The following CRB1 variants were observed in gnomAD, a reference collection of about 807,000 sequenced individuals.
CRB1 encodes protein crumbs homolog 1.
In CRB1, 83 loss-of-function variants were observed where a neutral mutation model predicts 120.0. The ratio of observed to expected loss-of-function variants is 0.69; its 90% CI spans 0.58 to 0.83. The LOEUF (loss-of-function observed/expected upper bound fraction) is 0.83. Ranked by LOEUF, CRB1 falls within the 40% of genes least tolerant of loss-of-function variation. The probability of loss-of-function intolerance (pLI) is 0.00; values close to 1 mark genes in which losing one functional copy is unlikely to be tolerated. For synonymous variants in CRB1, 625 were observed against 612.5 expected (o/e 1.02, Z -0.30); for missense variants, 1,699 against 1,687.6 (o/e 1.01, Z -0.12).
At chr1:197,453,200 T>A (rs1666051781) in intron 11 of CRB1, among the ~76,000 whole-genome samples, 1 of 150,530 alleles carries the variant, frequency 6.6e-6, no homozygotes, top group South Asian at 2.1e-4. Context: ...GGTAGAATTA[T>A]GAGTGCTAGG....
chr1:197,202,794 C>G, the CRB1 span, among the ~76,000 whole-genome samples: 1 of 152,110 alleles, frequency 6.6e-6, no homozygotes, highest in East Asian at 1.9e-4. Context: ...GCCAGTTTTA[C>G]CCAACTCTTC....
intron 5 of CRB1, among the ~76,000 whole-genome samples, chr1:197,400,714 C>T (rs1374324146): frequency 1.3e-5 from 2 of 152,094 alleles, no homozygotes; most frequent in East Asian, 3.9e-4. Flanking sequence ...TAAGGTTTCT[C>T]ACTCAGATAC....
At chr1:197,467,037 A>T (rs974287498) in intron 11 of CRB1, among the ~76,000 whole-genome samples, 1 of 152,168 alleles carries the variant, frequency 6.6e-6, no homozygotes, top group Non-Finnish European at 1.5e-5. Context: ...TGAGAGCAAG[A>T]TTTATTGTGC....
chr1:197,399,582 G>A lies in CRB1; in HGVS notation c.1172-21418G>A, dbSNP rs180848099. ...TGTCATGTATTAGTAAACTACTGCCGCATAACAAATTTTCCCAAAACTCTG... is the reference window on the plus strand; with the variant it reads ...TGTCATGTATTAGTAAACTACTGCCACATAACAAATTTTCCCAAAACTCTG... On this transcript the variant is annotated intron_variant, in intron 5 of 11. Coordinates refer to ENST00000367400, the MANE Select transcript of CRB1 (RefSeq NM_201253.3). 1.7e-4 allele frequency among the ~76,000 whole-genome samples: 26 copies of A among 152,148 alleles called. No individual in the cohort carries two copies. In the East Asian group the frequency reaches 2.5e-3, roughly 15 times the overall value.
At chr1:197,453,507 T>C (rs1225257200) in intron 11 of CRB1, among the ~76,000 whole-genome samples, 2 of 135,016 alleles carry the variant, frequency 1.5e-5, no homozygotes, top group Non-Finnish European at 3.1e-5. Context: ...TATATGTGTA[T>C]ATATATGTGT....
intron 6 of CRB1, 132 bp downstream of exon 6, chr1:197,422,088 C>T: frequency 2.5e-6 from 2 of 794,540 alleles, no homozygotes; most frequent in African/African-American, 1.7e-5. Flanking sequence ...GCTGGTTGCC[C>T]ACTGATGAGA....
intron 5 of CRB1, among the ~76,000 whole-genome samples, chr1:197,398,070 C>T (rs1052599388): frequency 5.3e-5 from 8 of 152,172 alleles, no homozygotes; most frequent in African/African-American, 1.9e-4. Flanking sequence ...CACCACTGCA[C>T]AAAAAACTCA....
At chr1:197,471,992 G>A (rs1297208442) in intron 11 of CRB1, among the ~76,000 whole-genome samples, 2 of 152,172 alleles carry the variant, frequency 1.3e-5, no homozygotes, top group African/African-American at 4.8e-5. Flanking sequence ...TATATATGTA[G>A]ATGGAAGATA....
chr1:197,310,785 T>C (rs1657470245), intron 1 of CRB1, among the ~76,000 whole-genome samples: 1 of 152,154 alleles, frequency 6.6e-6, no homozygotes, highest in South Asian at 2.1e-4. Context: ...TTAATAGAAA[T>C]TAAAATTACA....
intron 5 of CRB1, among the ~76,000 whole-genome samples, chr1:197,364,511 A>C (rs983226262): frequency 9.9e-5 from 15 of 152,180 alleles, no homozygotes; most frequent in African/African-American, 2.9e-4. Flanking sequence ...CTGGGACTCT[A>C]ATCATACAAA....
At chr1:197,272,629 C>T (rs1654968565) in intron 1 of CRB1, among the ~76,000 whole-genome samples, 2 of 152,042 alleles carry the variant, frequency 1.3e-5, no homozygotes, top group African/African-American at 2.4e-5. Context: ...CACAAAAGCA[C>T]ATGGAGGGAG....
At chr1:197,438,508 C>T in intron 9 of CRB1, 39 bp from the exon 10 acceptor site, 1 of 1,609,148 alleles carries the variant, frequency 6.2e-7, no homozygotes, top group Admixed American at 1.7e-5. Flanking sequence ...ATGAGATGAA[C>T]AAGATGAACA....
the CRB1 span, among the ~76,000 whole-genome samples, chr1:197,250,153 T>C: frequency 2.0e-5 from 3 of 152,054 alleles, no homozygotes; most frequent in Non-Finnish European, 4.4e-5. Context: ...GTCACACCTG[T>C]ATTCTATTCT....
rs767368951 is a variant in CRB1 at position 197,435,356 on chromosome 1, T to C, written c.3493T>C (p.Cys1165Arg). The C allele has an allele frequency of 1.9e-6, 3 of 1,613,510 alleles. No homozygotes were observed. Among genetic ancestry groups the C allele is most frequent in the East Asian group, 2.2e-5 (1 of 44,872 alleles). Residue 1165 changes from cysteine (C) to arginine (R), a missense_variant, in exon 9 of 12, where the codon TGT becomes CGT. Physicochemically the swap from Cys to Arg is radical, Grantham distance 180. Coordinates refer to ENST00000367400, the MANE Select transcript of CRB1 (RefSeq NM_201253.3). ...EDIYSSYHCSCPLGWSGKHCE... is the reference protein window; with the variant it reads ...EDIYSSYHCSRPLGWSGKHCE... ...CATCTATAGCTCTTATCATTGCTCC[T>C]GTCCCTTGGGATGGTCAGGGAAACA...
intron 1 of CRB1, among the ~76,000 whole-genome samples, chr1:197,312,757 A>C (rs1477535461): frequency 6.6e-6 from 1 of 152,188 alleles, no homozygotes; most frequent in Admixed American, 6.5e-5. Flanking sequence ...ATTTTTCATT[A>C]TCTGTAATAT....
At chr1:197,344,193 T>G in intron 2 of CRB1, 88 bp from the exon 3 acceptor site, 1 of 1,233,828 alleles carries the variant, frequency 8.1e-7, no homozygotes, top group Non-Finnish European at 1.2e-6. Context: ...TGACAAGTGC[T>G]CTGGTAAACA....
At chr1:197,351,154 C>T (rs1475999082) in intron 4 of CRB1, among the ~76,000 whole-genome samples, 30 of 122,590 alleles carry the variant, frequency 2.4e-4, no homozygotes, top group Non-Finnish European at 4.1e-4. Flanking sequence ...CCAGCCTGGC[C>T]AACATGGTGA....
At chr1:197,283,111 A>AT (rs1201785575) in intron 1 of CRB1, among the ~76,000 whole-genome samples, 2 of 146,398 alleles carry the variant, frequency 1.4e-5, no homozygotes, top group Admixed American at 6.8e-5. Flanking sequence ...TTAAGCAAAA[A>AT]TAAAAAAAAT....
the CRB1 span, among the ~76,000 whole-genome samples, chr1:197,243,243 C>T: frequency 6.6e-6 from 1 of 152,030 alleles, no homozygotes; most frequent in Non-Finnish European, 1.5e-5. Flanking sequence ...GCTCTTGCTT[C>T]TCTAGTTCTT....
Sources: allele counts gnomAD v4.1 joint callset (sites outside exome capture counted in the v4.1 genomes callset), GRCh38; gene constraint gnomAD v4.1.1; transcripts MANE v1.5; gene names NCBI Gene and HGNC (gene_info 2026-07-23, HGNC 2026-07-21).